The following IQGAP2 variants were observed in gnomAD, a reference collection of about 807,000 sequenced individuals.
IQGAP2 encodes the protein ras GTPase-activating-like protein IQGAP2.
A neutral mutation model predicts 201.3 loss-of-function variants in IQGAP2; 173 were observed. That is an observed-to-expected ratio of 0.86 (90% confidence interval 0.76 to 0.98). IQGAP2 has a LOEUF of 0.98. Ranked by LOEUF, IQGAP2 falls within the 50% of genes least tolerant of loss-of-function variation. IQGAP2 has a pLI of 0.00. For synonymous variants in IQGAP2, 675 were observed against 673.9 expected (o/e 1.00, Z -0.03); for missense variants, 1,687 against 1,864.8 (o/e 0.90, Z 1.76).
chr5:76,582,419 G>A (rs546235666), intron 5 of IQGAP2, among the ~76,000 whole-genome samples: 2 of 152,292 alleles, frequency 1.3e-5, no homozygotes, highest in African/African-American at 2.4e-5. Flanking sequence ...CTTGGGTTAC[G>A]TGACTTGCTC....
intron 2 of IQGAP2, among the ~76,000 whole-genome samples, chr5:76,511,326 T>C (rs1757946868): frequency 6.6e-6 from 1 of 152,148 alleles, no homozygotes; most frequent in Non-Finnish European, 1.5e-5. Context: ...ATGGCTGCCA[T>C]GTCTCCAAGA....
chr5:76,619,421 G>A (rs1167199798), intron 13 of IQGAP2, among the ~76,000 whole-genome samples: 1 of 151,616 alleles, frequency 6.6e-6, no homozygotes, highest in Non-Finnish European at 1.5e-5. Context: ...GTAGCCCCCC[G>A]CAAAGATTCT....
chr5:76,682,749 C>T (rs1745414664), intron 28 of IQGAP2, among the ~76,000 whole-genome samples: 1 of 152,074 alleles, frequency 6.6e-6, no homozygotes, highest in Non-Finnish European at 1.5e-5. Context: ...ATGTAAATGC[C>T]CTTCCAGTTT....
At chr5:76,701,344 T>C (rs1747371830) in intron 34 of IQGAP2, 131 bp downstream of exon 34, 3 of 816,992 alleles carry the variant, frequency 3.7e-6, no homozygotes, top group Middle Eastern at 4.7e-4. Context: ...AATACACAAA[T>C]TGTTATGGCT....
At chr5:76,546,752 C>A (rs6875519) in intron 2 of IQGAP2, among the ~76,000 whole-genome samples, 42,384 of 152,002 alleles carry the variant, frequency 0.28, 6,081 homozygotes, top group South Asian at 0.49. Flanking sequence ...ACTGTAACTA[C>A]GGACACACAT....
intron 1 of IQGAP2, among the ~76,000 whole-genome samples, chr5:76,413,166 T>C (rs1751224104): frequency 8.5e-5 from 3 of 35,402 alleles, no homozygotes; most frequent in Non-Finnish European, 2.0e-4. Flanking sequence ...CTTTTTTTTT[T>C]TTTTTTTTTT....
intron 2 of IQGAP2, among the ~76,000 whole-genome samples, chr5:76,554,945 G>GA (rs776822901): frequency 2.5e-4 from 38 of 152,196 alleles, no homozygotes; most frequent in Non-Finnish European, 4.6e-4. Flanking sequence ...AAATAAATGT[G>GA]ATATATCCAT....
At chr5:76,691,733 G>A (rs904574643) in intron 30 of IQGAP2, 3 of 152,204 alleles carry the variant, frequency 2.0e-5, no homozygotes, top group African/African-American at 4.8e-5. Context: ...AGGGAGGCAA[G>A]GAAGACACAT....
chr5:76,474,777 G>A (rs1409013789), intron 2 of IQGAP2, among the ~76,000 whole-genome samples: 2 of 152,084 alleles, frequency 1.3e-5, no homozygotes, highest in Non-Finnish European at 2.9e-5. Flanking sequence ...ACCCTATAAG[G>A]CCATCTCTAA....
Position 76,685,841 on chromosome 5 carries a change from A to C in IQGAP2, c.3905+1924A>C, listed in dbSNP as rs954125618. ...ATTTTAAAGTGTACATGCATTTAGTACATTCGCAGTGTGCAACCATCACTG... is the reference window on the plus strand; with the variant it reads ...ATTTTAAAGTGTACATGCATTTAGTCCATTCGCAGTGTGCAACCATCACTG... On this transcript the variant is annotated intron_variant, in intron 30 of 35. Coordinates refer to ENST00000274364, the MANE Select transcript of IQGAP2 (RefSeq NM_006633.5). 2.6e-5 allele frequency among the ~76,000 whole-genome samples: 4 copies of C among 152,240 alleles called. No individual in the cohort carries two copies. In the South Asian group the frequency reaches 6.2e-4, roughly 24 times the overall value.
Position 76,523,076 on chromosome 5 carries a change from C to CTTTTTTTTTTTTTTT in IQGAP2, c.147-39312_147-39298dup, listed in dbSNP as rs35277348. On this transcript the variant is annotated intron_variant, in intron 2 of 35. Transcript: ENST00000274364. ...TCTTTCAGTCTTAATTTTCTTTTGCCTTTTTTTTTTTTTTTTTTTTTTCTG... is the reference window on the plus strand; with the variant it reads ...TCTTTCAGTCTTAATTTTCTTTTGCCTTTTTTTTTTTTTTTTTTTTTTTTTTTTTTTTTTTTTCTG... Among the ~76,000 whole-genome samples, 4 of 78,372 alleles carry CTTTTTTTTTTTTTTT rather than the reference C, an allele frequency of 5.1e-5. 1 individual carries two copies. The highest frequency in any genetic ancestry group is 4.7e-5 in the Non-Finnish European group (2 of 42,854). The allele number at this position is 78,372 out of a possible 152,430, so 51.4% of individuals were successfully genotyped here.
At chr5:76,495,246 C>A (rs766183194) in intron 2 of IQGAP2, among the ~76,000 whole-genome samples, 1 of 152,264 alleles carries the variant, frequency 6.6e-6, no homozygotes, top group Non-Finnish European at 1.5e-5. Context: ...TCAGAGGCAC[C>A]AGCCTAGAGC....
chr5:76,660,146 A>T (rs1036566024), intron 21 of IQGAP2: 6 of 152,182 alleles, frequency 3.9e-5, no homozygotes, highest in Non-Finnish European at 5.9e-5. Context: ...GACAACGGGG[A>T]GATGAGCAGC....
At position 76,674,719 on chromosome 5, in the gene IQGAP2, G is replaced by T. The variant is rs752382323; in HGVS notation, c.3527+10G>T. ...CGTATCAGGAATTCAGGTGAGAGGGGCCCTTAGTTTTGGAGAAACGTGCAA... is the reference window on the plus strand; with the variant it reads ...CGTATCAGGAATTCAGGTGAGAGGGTCCCTTAGTTTTGGAGAAACGTGCAA... On this transcript the variant is annotated intron_variant, in intron 27 of 35. Transcript: ENST00000274364. The T allele has an allele frequency of 6.3e-7, 1 of 1,582,626 alleles. No homozygotes were observed. Among genetic ancestry groups the T allele is most frequent in the South Asian group, 1.1e-5 (1 of 90,346 alleles).
chr5:76,701,539 C>A (rs1242119567), intron 34 of IQGAP2, among the ~76,000 whole-genome samples: 1 of 152,134 alleles, frequency 6.6e-6, no homozygotes, highest in African/African-American at 2.4e-5. Context: ...CAAAATAGCA[C>A]CTTTCTCATT....
At chr5:76,434,964 AT>A (rs1752571785) in intron 1 of IQGAP2, among the ~76,000 whole-genome samples, 1 of 150,506 alleles carries the variant, frequency 6.6e-6, no homozygotes, top group African/African-American at 2.4e-5. Flanking sequence ...GATGTTGAGC[AT>A]TTTTTCATGT....
chr5:76,501,933 G>A (rs781239853), intron 2 of IQGAP2, among the ~76,000 whole-genome samples: 1 of 151,888 alleles, frequency 6.6e-6, no homozygotes, highest in East Asian at 1.9e-4. Flanking sequence ...GTGAGCCACC[G>A]CTCCTGGCCC....
chr5:76,669,482 C>G (rs1157303773), intron 23 of IQGAP2, among the ~76,000 whole-genome samples: 4 of 152,008 alleles, frequency 2.6e-5, no homozygotes. Flanking sequence ...GTGGTAAGTA[C>G]TAAATGAAGG....
chr5:76,415,743 A>G (rs961160922), intron 1 of IQGAP2, among the ~76,000 whole-genome samples: 2 of 152,202 alleles, frequency 1.3e-5, no homozygotes, highest in African/African-American at 4.8e-5. Flanking sequence ...GGAGTTCAAG[A>G]CCAACCTGGC....
Sources: allele counts gnomAD v4.1 joint callset (sites outside exome capture counted in the v4.1 genomes callset), GRCh38; gene constraint gnomAD v4.1.1; transcripts MANE v1.5; gene names NCBI Gene and HGNC (gene_info 2026-07-23, HGNC 2026-07-21).